XRCC4: variants seen among roughly 807,000 people sequenced by gnomAD.
The protein encoded by XRCC4 is DNA repair protein XRCC4.
In XRCC4, 28 loss-of-function variants were observed where a neutral mutation model predicts 39.1. That is an observed-to-expected ratio of 0.72 (90% CI 0.53 to 0.98). The LOEUF is 0.98. XRCC4 is among the 50% of genes least tolerant of loss of function. The probability of loss-of-function intolerance (pLI) is 0.00; values close to 1 mark genes in which losing one functional copy is unlikely to be tolerated. For missense variants in XRCC4, 350 were observed against 376.4 expected (o/e 0.93, Z 0.58); for synonymous variants, 123 against 126.4 (o/e 0.97, Z 0.18).
At position 83,190,465 on chromosome 5, in the gene XRCC4, G is replaced by A. The variant is rs10040861; in HGVS notation, c.316-5305G>A. 3.0e-3 allele frequency among the ~76,000 whole-genome samples: 459 copies of A among 152,216 alleles called. 2 individuals are homozygous for A. The highest frequency in any genetic ancestry group is 0.01 in the African/African-American group (431 of 41,538). On this transcript the variant is annotated intron_variant, in intron 3 of 7. Transcript: ENST00000396027. ...CAACAAAATGAGATTCTATCTGGCC[G>A]TTATGCACCTAGTAATAACATCAAG...
the XRCC4 span, among the ~76,000 whole-genome samples, chr5:83,369,442 C>T: frequency 5.3e-5 from 8 of 152,058 alleles, no homozygotes; most frequent in African/African-American, 1.4e-4. Context: ...CTATTGTTCC[C>T]GTCTTGTGTC....
intron 7 of XRCC4, among the ~76,000 whole-genome samples, chr5:83,260,141 T>C (rs1753699839): frequency 6.6e-6 from 1 of 152,140 alleles, no homozygotes; most frequent in South Asian, 2.1e-4. Flanking sequence ...GTGTTTATCA[T>C]TTGAATTTAT....
intron 7 of XRCC4, among the ~76,000 whole-genome samples, chr5:83,329,462 C>A (rs1450571757): frequency 6.6e-6 from 1 of 151,900 alleles, no homozygotes; most frequent in Non-Finnish European, 1.5e-5. Context: ...GAGACTTAAT[C>A]AGACAATCCC....
intron 7 of XRCC4, among the ~76,000 whole-genome samples, chr5:83,282,644 C>T (rs767094785): frequency 1.2e-4 from 18 of 151,816 alleles, no homozygotes; most frequent in Non-Finnish European, 2.4e-4. Flanking sequence ...AGATCGAGAC[C>T]ATCCTGGCTA....
chr5:83,165,972 A>G (rs1749452493), intron 3 of XRCC4, among the ~76,000 whole-genome samples: 1 of 140,552 alleles, frequency 7.1e-6, no homozygotes, highest in Non-Finnish European at 1.5e-5. Flanking sequence ...TGCAACCTCC[A>G]CCCCCTGGGT....
intron 3 of XRCC4, among the ~76,000 whole-genome samples, chr5:83,165,767 A>C (rs1749437246): frequency 6.6e-6 from 1 of 152,150 alleles, no homozygotes; most frequent in African/African-American, 2.4e-5. Flanking sequence ...TTAGTTTGCC[A>C]AGGATTATGG....
At chr5:83,161,591 C>T (rs888308084) in intron 3 of XRCC4, among the ~76,000 whole-genome samples, 15 of 152,220 alleles carry the variant, frequency 9.9e-5, no homozygotes, top group South Asian at 2.1e-4. Flanking sequence ...TGTTTCATTT[C>T]AATTCAAATT....
At chr5:83,372,755 A>T in the XRCC4 span, among the ~76,000 whole-genome samples, 2 of 152,212 alleles carry the variant, frequency 1.3e-5, no homozygotes, top group African/African-American at 4.8e-5. Flanking sequence ...CCTCATACTC[A>T]AAAAACTGGG....
chr5:83,328,247 C>T (rs1437939018), intron 7 of XRCC4, among the ~76,000 whole-genome samples: 1 of 152,090 alleles, frequency 6.6e-6, no homozygotes, highest in Non-Finnish European at 1.5e-5. Flanking sequence ...AATTACCTCT[C>T]CCTGGGTCCC....
intron 7 of XRCC4, among the ~76,000 whole-genome samples, chr5:83,272,038 G>T (rs556988495): frequency 2.0e-4 from 30 of 152,086 alleles, no homozygotes; most frequent in Non-Finnish European, 4.0e-4. Flanking sequence ...TAACATGCTG[G>T]ACTATGGTAT....
intron 6 of XRCC4, among the ~76,000 whole-genome samples, chr5:83,228,166 C>CT: frequency 6.6e-6 from 1 of 151,966 alleles, no homozygotes; most frequent in South Asian, 2.1e-4. Flanking sequence ...TATGCATTTC[C>CT]TTTATTTATT....
Position 83,077,552 on chromosome 5 carries a change from T to G in XRCC4, c.-74T>G. 2 of 581,452 alleles carry G rather than the reference T, an allele frequency of 3.4e-6. No individual in the cohort carries two copies. The highest frequency in any genetic ancestry group is 6.2e-6 in the Non-Finnish European group (2 of 324,838). 36.0% of individuals were successfully genotyped at this position (581,452 alleles called of 1,614,324 possible). A position where few individuals can be genotyped will look rare whatever the true frequency, so the allele number is the denominator to read the frequency against. ...CGGAAGTAGCTGATACTCTCATTGG[T>G]TGCAAAACCTTGATCTGTGAAAGCG... On this transcript the variant is annotated 5_prime_UTR_variant, in exon 1 of 8. Transcript: ENST00000396027.
intron 3 of XRCC4, among the ~76,000 whole-genome samples, chr5:83,157,349 C>T (rs1396597713): frequency 6.6e-6 from 1 of 152,028 alleles, no homozygotes; most frequent in Non-Finnish European, 1.5e-5. Context: ...AAAGTTACTT[C>T]ATGTGTTTGT....
chr5:83,178,101 C>G (rs1241302972), intron 3 of XRCC4, among the ~76,000 whole-genome samples: 1 of 151,968 alleles, frequency 6.6e-6, no homozygotes, highest in Non-Finnish European at 1.5e-5. Context: ...GAAGGAAAAG[C>G]AAAATCAAGG....
At chr5:83,140,341 A>G (rs1188739762) in intron 3 of XRCC4, among the ~76,000 whole-genome samples, 1 of 152,226 alleles carries the variant, frequency 6.6e-6, no homozygotes, top group Non-Finnish European at 1.5e-5. Context: ...CAAGGGCCGA[A>G]GAACCTGGAG....
intron 7 of XRCC4, among the ~76,000 whole-genome samples, chr5:83,275,021 G>GT (rs1206302491): frequency 6.6e-6 from 1 of 152,154 alleles, no homozygotes; most frequent in Non-Finnish European, 1.5e-5. Flanking sequence ...CAGTTAGGAG[G>GT]TTTTAACAGT....
In XRCC4 at chr5:83,112,325, G is replaced by A. The variant is rs184079661; in HGVS notation, c.315+1122G>A. 1.5e-3 allele frequency among the ~76,000 whole-genome samples: 236 copies of A among 152,336 alleles called. 2 individuals carry two copies. The highest frequency in any genetic ancestry group is 2.6e-3 in the Non-Finnish European group (176 of 68,026). The stretch of plus-strand genomic sequence containing the variant: ...GGATGATATTATATGTTACAGAAGT[G>A]CAGACTCTTCTAATGTTTTGAAGCA... On this transcript the variant is annotated intron_variant, in intron 3 of 7. Transcript: ENST00000396027.
intron 7 of XRCC4, among the ~76,000 whole-genome samples, chr5:83,260,015 C>T (rs1331130964): frequency 6.6e-6 from 1 of 151,954 alleles, no homozygotes; most frequent in African/African-American, 2.4e-5. Context: ...TTGTTCTCTC[C>T]ACGATTGGCC....
chr5:83,338,824 G>A, intron 7 of XRCC4, among the ~76,000 whole-genome samples: 1 of 152,200 alleles, frequency 6.6e-6, no homozygotes, highest in East Asian at 1.9e-4. Flanking sequence ...ACATAACACA[G>A]CTGTGGTCAA....
Sources: allele counts gnomAD v4.1 joint callset (sites outside exome capture counted in the v4.1 genomes callset), GRCh38; gene constraint gnomAD v4.1.1; transcripts MANE v1.5; gene names NCBI Gene and HGNC (gene_info 2026-07-23, HGNC 2026-07-21).